Variants in RANBP2 observed in about 807,000 individuals in gnomAD.
RANBP2 encodes the protein E3 SUMO-protein ligase RanBP2.
A neutral mutation model predicts 303.6 loss-of-function variants in RANBP2; 57 were observed. That is an observed-to-expected ratio of 0.19 (90% CI 0.15 to 0.23). RANBP2 has a LOEUF of 0.23. Ranked by LOEUF, RANBP2 falls within the 10% of genes least tolerant of loss-of-function variation. RANBP2 has a pLI of 1.00. For synonymous variants in RANBP2, 1,167 were observed against 1,301.5 expected, an observed-to-expected ratio of 0.90 and a Z score of 2.23; for missense variants, 3,138 against 3,780.8, an observed-to-expected ratio of 0.83 and a Z score of 4.46.
At chr2:108,722,660 G>A (rs1001500646) in intron 1 of RANBP2, among the ~76,000 whole-genome samples, 10 of 145,988 alleles carry the variant, frequency 6.8e-5, no homozygotes, top group Non-Finnish European at 5.9e-5. Context: ...AATATTCTTC[G>A]TCTGTAATCT....
chr2:108,849,252 A>G, the RANBP2 span, among the ~76,000 whole-genome samples: 1 of 152,228 alleles, frequency 6.6e-6, no homozygotes, highest in South Asian at 2.1e-4. Context: ...TTCTAATATT[A>G]TGTACTTAGA....
At chr2:109,396,756 G>T in the RANBP2 span, among the ~76,000 whole-genome samples, 2 of 151,996 alleles carry the variant, frequency 1.3e-5, no homozygotes, top group Non-Finnish European at 1.5e-5. Flanking sequence ...TCACATGCAA[G>T]GGCTTAGCCT....
the RANBP2 span, among the ~76,000 whole-genome samples, chr2:109,320,197 C>T: frequency 2.0e-5 from 3 of 152,202 alleles, no homozygotes; most frequent in African/African-American, 7.2e-5. Flanking sequence ...CGGCTTGCCT[C>T]TGCTCGGCTC....
the RANBP2 span, among the ~76,000 whole-genome samples, chr2:109,026,369 T>C: frequency 1.4e-5 from 2 of 145,860 alleles, no homozygotes; most frequent in African/African-American, 2.5e-5. Context: ...GCTCAAGCGA[T>C]CTTCCTGCTT....
chr2:109,189,591 A>T, the RANBP2 span, among the ~76,000 whole-genome samples: 204 of 151,486 alleles, frequency 1.3e-3, 3 homozygotes, highest in Non-Finnish European at 4.1e-4. Context: ...CTGGTTTTGA[A>T]CTCCTGACCT....
the RANBP2 span, among the ~76,000 whole-genome samples, chr2:109,214,047 A>G: frequency 4.9e-3 from 747 of 152,102 alleles, 5 homozygotes; most frequent in African/African-American, 0.017. Context: ...TTCTGGTTGG[A>G]GGAAATGGAG....
At chr2:109,517,917 C>T in the RANBP2 span, among the ~76,000 whole-genome samples, 1 of 152,216 alleles carries the variant, frequency 6.6e-6, no homozygotes, top group Non-Finnish European at 1.5e-5. Flanking sequence ...CCAGAAGGTG[C>T]AGCTGCAGAG....
chr2:109,615,015 C>A, the RANBP2 span: 4 of 1,546,008 alleles, frequency 2.6e-6, no homozygotes, highest in Non-Finnish European at 2.6e-6. Context: ...CAGCGAGGAC[C>A]TGGAGCTCCC....
At chr2:109,489,665 C>T in the RANBP2 span, among the ~76,000 whole-genome samples, 3,822 of 148,464 alleles carry the variant, frequency 0.026, 63 homozygotes, top group South Asian at 0.039. Context: ...CTGGGGGCCT[C>T]GGGGCCTATT....
the RANBP2 span, among the ~76,000 whole-genome samples, chr2:109,688,824 G>C: frequency 5.8e-5 from 8 of 138,758 alleles, no homozygotes; most frequent in Non-Finnish European, 1.1e-4. Context: ...ATGTAAAATT[G>C]TTTCCTCTTC....
chr2:109,401,224 C>G, the RANBP2 span, among the ~76,000 whole-genome samples: 26 of 152,202 alleles, frequency 1.7e-4, no homozygotes, highest in Middle Eastern at 3.2e-3. Context: ...GGGGTCCCTC[C>G]TTGGCAACCT....
chr2:108,939,949 G>T, the RANBP2 span, among the ~76,000 whole-genome samples: 1 of 152,212 alleles, frequency 6.6e-6, no homozygotes, highest in Non-Finnish European at 1.5e-5. Flanking sequence ...CTGCATGAAC[G>T]TGTCTCAGTG....
chr2:109,645,698 C>T, the RANBP2 span, among the ~76,000 whole-genome samples: 1 of 152,154 alleles, frequency 6.6e-6, no homozygotes, highest in Admixed American at 6.6e-5. Flanking sequence ...TGTGGACAAA[C>T]CTCTTTCTGC....
the RANBP2 span, among the ~76,000 whole-genome samples, chr2:109,172,029 G>A: frequency 3.9e-5 from 6 of 152,230 alleles, no homozygotes; most frequent in Non-Finnish European, 8.8e-5. Context: ...CAGCACTGTG[G>A]GCTCCATGAG....
the RANBP2 span, among the ~76,000 whole-genome samples, chr2:108,886,583 T>G: frequency 2.6e-5 from 4 of 152,026 alleles, no homozygotes; most frequent in East Asian, 7.7e-4. Flanking sequence ...CCCGGCTAAT[T>G]TTTGTATTTT....
intron 8 of RANBP2, among the ~76,000 whole-genome samples, chr2:108,747,343 G>A (rs1193536004): frequency 6.6e-6 from 1 of 152,182 alleles, no homozygotes; most frequent in African/African-American, 2.4e-5. Flanking sequence ...AAGGTAGTTA[G>A]GTGGCCATTG....
chr2:108,736,173 C>T lies in RANBP2; in HGVS notation c.706C>T (p.Leu236=), dbSNP rs1251426896. The change falls in exon 6 of 29, where the codon CTG becomes TTG. Residue 236 remains leucine (L), a synonymous_variant. Coordinates refer to ENST00000283195, the MANE Select transcript of RANBP2 (RefSeq NM_006267.5). ...SDWRATNTDL[L]LAYANLMLLT... ...CTGGCGAGCAACCAATACAGACTTA[C>T]TGCTGGCCTATGCTAATCTTATGCT... The T allele has an allele frequency of 1.2e-6, 2 of 1,611,830 alleles. No homozygotes were observed. The highest frequency in any genetic ancestry group is 1.7e-6 in the Non-Finnish European group (2 of 1,179,840).
the RANBP2 span, chr2:109,436,748 G>A: frequency 1.5e-5 from 19 of 1,283,656 alleles, no homozygotes; most frequent in South Asian, 3.1e-5. Flanking sequence ...GCCCAGTGAC[G>A]GGCATTGTTT....
At chr2:109,394,358 T>G in the RANBP2 span, among the ~76,000 whole-genome samples, 1 of 152,102 alleles carries the variant, frequency 6.6e-6, no homozygotes, top group Non-Finnish European at 1.5e-5. Flanking sequence ...TACTGTCCCA[T>G]GGACAAGACT....
Sources: gnomAD v4.1 joint callset for allele counts (sites outside exome capture counted in the v4.1 genomes callset) on GRCh38, gnomAD v4.1.1 for gene constraint, MANE v1.5 for transcripts, NCBI Gene and HGNC (gene_info 2026-07-23, HGNC 2026-07-21) for gene names.